The following HERC2 variants were observed in gnomAD, a reference collection of about 807,000 sequenced individuals.
The protein encoded by HERC2 is E3 ubiquitin-protein ligase HERC2.
HERC2 carries 102 observed loss-of-function variants against 537.7 expected under a neutral mutation model. The observed-to-expected ratio is 0.19, with a 90% confidence interval of 0.16 to 0.22. The LOEUF is 0.22. Ranked by LOEUF, HERC2 falls within the 10% of genes least tolerant of loss-of-function variation. HERC2 has a pLI of 1.00. For missense variants in HERC2, 4,236 were observed against 6,198.2 expected, an observed-to-expected ratio of 0.68 and a Z score of 10.63; for synonymous variants, 2,224 against 2,466.2, an observed-to-expected ratio of 0.90 and a Z score of 2.91.
intron 26 of HERC2, among the ~76,000 whole-genome samples, chr15:28,235,938 C>G (rs1403466431): frequency 6.6e-6 from 1 of 152,146 alleles, no homozygotes; most frequent in Non-Finnish European, 1.5e-5. Flanking sequence ...CAGGAAGAAA[C>G]TTATTATTTT....
intron 81 of HERC2, among the ~76,000 whole-genome samples, 196 bp downstream of exon 81, chr15:28,131,904 G>T (rs1382002896): frequency 6.6e-6 from 1 of 152,142 alleles, no homozygotes; most frequent in African/African-American, 2.4e-5. Context: ...ACTCCCTCTA[G>T]GCCCTCCACA....
chr15:28,285,889 A>G (rs1347081419), intron 4 of HERC2, among the ~76,000 whole-genome samples: 1 of 151,874 alleles, frequency 6.6e-6, no homozygotes, highest in Non-Finnish European at 1.5e-5. Flanking sequence ...AGGAATTACT[A>G]GGAACAACTC....
intron 17 of HERC2, 102 bp downstream of exon 17, chr15:28,256,959 C>A: frequency 1.0e-6 from 1 of 969,948 alleles, no homozygotes; most frequent in South Asian, 1.6e-5. Context: ...TAAAATATTT[C>A]ACCGAACAGG....
chr15:28,243,058 A>G (rs2140761133), intron 23 of HERC2, among the ~76,000 whole-genome samples: 1 of 152,302 alleles, frequency 6.6e-6, no homozygotes, highest in South Asian at 2.1e-4. Flanking sequence ...AGCAAGTGCA[A>G]TAAGTCACTA....
Position 28,246,779 on chromosome 15 carries a change from G to A in HERC2, c.3354C>T (p.Phe1118=), listed in dbSNP as rs112980995. 137 of 1,605,342 alleles carry A rather than the reference G, an allele frequency of 8.5e-5. 1 individual carries two copies. In the African/African-American group the frequency reaches 9.7e-4, roughly 11 times the overall value. ...ASIASTSWRH[F]AEVAYIVEGD... ...CTTCCACAATGTAAGCCACCTCCGC[G>A]AAGTGCCGCCAGCTGGTAGAAGCAA... The change falls in exon 22 of 93, where the codon TTC becomes TTT. Residue 1118 remains phenylalanine, a synonymous_variant. Transcript: ENST00000261609.
chr15:28,312,200 A>T (rs865843590), intron 2 of HERC2, among the ~76,000 whole-genome samples: 4,910 of 127,628 alleles, frequency 0.038, no homozygotes, highest in Non-Finnish European at 0.054. Flanking sequence ...TCACTGGAGG[A>T]GGTCTCCAGA....
At chr15:28,260,745 C>A (rs1231873141) in intron 16 of HERC2, 32 bp downstream of exon 16, 5 of 1,586,218 alleles carry the variant, frequency 3.2e-6, no homozygotes, top group Non-Finnish European at 2.6e-6. Context: ...CAAAATCCTC[C>A]AAAATACCAA....
intron 36 of HERC2, among the ~76,000 whole-genome samples, chr15:28,221,503 TG>T (rs1900521158): frequency 6.9e-6 from 1 of 144,142 alleles, no homozygotes. Flanking sequence ...AGGTGAACAC[TG>T]CCCTAACTTA....
chr15:28,178,835 G>A, intron 59 of HERC2, 52 bp downstream of exon 59: 7 of 1,558,748 alleles, frequency 4.5e-6, no homozygotes, highest in Non-Finnish European at 5.2e-6. Context: ...GGTTAACAAC[G>A]GAGCAGGAGC....
intron 35 of HERC2, among the ~76,000 whole-genome samples, chr15:28,224,180 AACAGACAG>A (rs200980383): frequency 1.8e-5 from 2 of 108,158 alleles, no homozygotes; most frequent in Non-Finnish European, 4.4e-5. Flanking sequence ...GAGAGAGAGA[AACAGACAG>A]ACAGACAGAC....
intron 15 of HERC2, among the ~76,000 whole-genome samples, chr15:28,261,351 A>G (rs1279411129): frequency 6.6e-6 from 1 of 152,208 alleles, no homozygotes; most frequent in Non-Finnish European, 1.5e-5. Context: ...AAGGTTTCCT[A>G]AGAAGAAATC....
rs767091184 is a variant in HERC2, at chr15:28,246,000, T to A, written c.3458A>T (p.Gln1153Leu). The change falls in exon 23 of 93, where the codon CAA becomes CTA. Residue 1153 changes from glutamine (Q) to leucine (L), a missense_variant. Transcript: ENST00000261609. ...LLLSKNAGLM[Q>L]EAGAVPLLGG... is the part of the protein sequence containing the mutation. Reference sequence around the variant, plus strand: ...CAGCAGAGGTACAGCTCCAGCCTCTTGCATGAGACCAGCATTTTTACTGAG... The same window carrying A: ...CAGCAGAGGTACAGCTCCAGCCTCTAGCATGAGACCAGCATTTTTACTGAG... 1 of 1,614,038 alleles carries A rather than the reference T, an allele frequency of 6.2e-7. No individual in the cohort carries two copies. Among genetic ancestry groups the A allele is most frequent in the African/African-American group, 1.3e-5 (1 of 75,042 alleles).
At chr15:28,290,830 T>C (rs1445375818) in intron 4 of HERC2, among the ~76,000 whole-genome samples, 2 of 152,214 alleles carry the variant, frequency 1.3e-5, no homozygotes, top group African/African-American at 4.8e-5. Context: ...GAGGGAAATT[T>C]ATATTATAGT....
chr15:28,199,482 A>C (rs1014072848), intron 48 of HERC2, among the ~76,000 whole-genome samples: 3 of 152,238 alleles, frequency 2.0e-5, no homozygotes, highest in Admixed American at 1.3e-4. Context: ...AAACTGATAA[A>C]GTCTCCCTGT....
rs886668960 is a variant in HERC2 at position 28,169,623 on chromosome 15, T to C, written c.10090A>G (p.Ser3364Gly). 3.7e-6 allele frequency: 6 copies of C among 1,613,476 alleles called. No homozygotes were observed. In the African/African-American group the frequency reaches 4.0e-5, roughly 11 times the overall value. The change falls in exon 66 of 93, where the codon AGT becomes GGT. Residue 3364 changes from serine (S) to glycine (G), a missense_variant. Physicochemically the swap from Ser to Gly is moderately conservative, Grantham distance 56. Coordinates refer to ENST00000261609, the MANE Select transcript of HERC2 (RefSeq NM_004667.6). ...TTACTTGCACCACTTATTTTATTAC[T>C]GGCAGCAGAAGAATCAGCATCTGAA... ...VPSDADSSAA[S>G]NKISGASNSK...
chr15:28,293,348 C>A (rs2076371576), intron 3 of HERC2, among the ~76,000 whole-genome samples: 1 of 151,974 alleles, frequency 6.6e-6, no homozygotes, highest in African/African-American at 2.4e-5. Flanking sequence ...AAAAAATTAG[C>A]CAGCCGTGGT....
At chr15:28,139,432 A>G (rs534726935) in intron 78 of HERC2, among the ~76,000 whole-genome samples, 1 of 152,302 alleles carries the variant, frequency 6.6e-6, no homozygotes, top group African/African-American at 2.4e-5. Flanking sequence ...AACAGCTCAT[A>G]AGGGACTGAG....
Position 28,114,741 on chromosome 15 carries a change from T to A in HERC2, c.13784A>T (p.Glu4595Val), listed in dbSNP as rs1364755702. The A allele has an allele frequency of 1.2e-6, 2 of 1,613,882 alleles. No individual in the cohort carries two copies. ...YIRDNEATSE[E>V]FEAMSLPFTV... ...GAAGGGCAGGCTCATGGCTTCAAAC[T>A]CCTCTGAGGTGGCTTCATTGTCTCG... Residue 4595 changes from glutamate (E) to valine (V), a missense_variant, in exon 90 of 93, where the codon GAG becomes GTG. Glu to Val is a moderately radical substitution (Grantham distance 121). Transcript: ENST00000261609.
Position 28,167,743 on chromosome 15 carries a change from T to A in HERC2, c.10498A>T (p.Thr3500Ser). The change falls in exon 68 of 93, where the codon ACG becomes TCG. Residue 3500 changes from threonine to serine, a missense_variant. Thr to Ser is a moderately conservative substitution (Grantham distance 58). Transcript: ENST00000261609. Reference protein sequence around the residue: ...SASARPFIPVTDDLGAASIIA... With the variant: ...SASARPFIPVSDDLGAASIIA... ...ATGCTTGCGGCTCCCAGGTCATCCG[T>A]CACTGGGATAAAAGGCCGAGCGGAG... The A allele has an allele frequency of 6.2e-7, 1 of 1,614,120 alleles. No individual in the cohort carries two copies.
Sources: gnomAD v4.1 joint callset for allele counts (sites outside exome capture counted in the v4.1 genomes callset) on GRCh38, gnomAD v4.1.1 for gene constraint, MANE v1.5 for transcripts, NCBI Gene and HGNC (gene_info 2026-07-23, HGNC 2026-07-21) for gene names.